The following CNBD1 variants were observed in gnomAD, a reference collection of about 807,000 sequenced individuals.
The protein encoded by CNBD1 is cyclic nucleotide binding domain containing 1.
In CNBD1, 71 loss-of-function variants were observed where a neutral mutation model predicts 54.4. The observed-to-expected ratio is 1.30, with a 90% confidence interval of 1.08 to 1.59. The LOEUF (loss-of-function observed/expected upper bound fraction) is 1.59, where lower values mean the gene tolerates loss of function less well. CNBD1 is among the 40% of genes most tolerant of loss of function. CNBD1 has a pLI of 0.00. For synonymous variants in CNBD1, 182 were observed against 170.7 expected, an observed-to-expected ratio of 1.07 and a Z score of -0.51; for missense variants, 659 against 518.0, an observed-to-expected ratio of 1.27 and a Z score of -2.64.
At chr8:87,048,363 A>G (rs1810244635) in intron 4 of CNBD1, among the ~76,000 whole-genome samples, 1 of 152,206 alleles carries the variant, frequency 6.6e-6, no homozygotes, top group Admixed American at 6.5e-5. Context: ...GCTTAAATCC[A>G]ATTTGGAGGC....
intron 6 of CNBD1, among the ~76,000 whole-genome samples, chr8:87,245,041 A>G (rs1807776271): frequency 1.3e-5 from 2 of 152,150 alleles, no homozygotes; most frequent in South Asian, 2.1e-4. Context: ...TATTTTTACT[A>G]TAATAATGGA....
chr8:87,175,787 G>A (rs7841530), intron 4 of CNBD1, among the ~76,000 whole-genome samples: 2,886 of 152,302 alleles, frequency 0.019, 88 homozygotes, highest in African/African-American at 0.065. Context: ...GCCAAGGTCA[G>A]TAATTGGAAT....
intron 8 of CNBD1, among the ~76,000 whole-genome samples, chr8:87,339,835 C>A (rs1352260169): frequency 6.6e-6 from 1 of 152,080 alleles, no homozygotes; most frequent in Non-Finnish European, 1.5e-5. Context: ...GTTACTGATG[C>A]TGTTTATTTA....
intron 2 of CNBD1, among the ~76,000 whole-genome samples, chr8:87,399,965 C>A (rs930764125): frequency 6.6e-6 from 1 of 151,778 alleles, no homozygotes; most frequent in African/African-American, 2.4e-5. Flanking sequence ...AAAGGCAGGA[C>A]ATAACCAAGA....
At chr8:87,243,074 A>T (rs1485457967) in intron 6 of CNBD1, among the ~76,000 whole-genome samples, 1 of 152,190 alleles carries the variant, frequency 6.6e-6, no homozygotes, top group Non-Finnish European at 1.5e-5. Context: ...CCATTTCCCA[A>T]ATACAAAATA....
At chr8:87,340,501 C>T (rs1810044383) in intron 8 of CNBD1, among the ~76,000 whole-genome samples, 1 of 152,080 alleles carries the variant, frequency 6.6e-6, no homozygotes, top group African/African-American at 2.4e-5. Context: ...CTGTTTCTTT[C>T]TCTCTCTTCT....
At chr8:87,415,041 A>G (rs1807813522) in intron 2 of CNBD1, among the ~76,000 whole-genome samples, 1 of 152,040 alleles carries the variant, frequency 6.6e-6, no homozygotes, top group Non-Finnish European at 1.5e-5. Context: ...GCTCAGTGCC[A>G]TTTCTGCAGA....
At chr8:87,375,918 T>A (rs531741750) in intron 10 of CNBD1, among the ~76,000 whole-genome samples, 17 of 152,046 alleles carry the variant, frequency 1.1e-4, no homozygotes, top group Non-Finnish European at 2.2e-4. Context: ...CAGACTATGT[T>A]GATAAAAGAT....
At chr8:87,312,069 A>G (rs1809277799) in intron 8 of CNBD1, among the ~76,000 whole-genome samples, 1 of 152,026 alleles carries the variant, frequency 6.6e-6, no homozygotes, top group Admixed American at 6.6e-5. Flanking sequence ...TATGTAACAA[A>G]CCTGCATATA....
At chr8:86,967,801 GTT>G (rs796253707) in intron 4 of CNBD1, among the ~76,000 whole-genome samples, 54 of 134,126 alleles carry the variant, frequency 4.0e-4, no homozygotes, top group Non-Finnish European at 5.1e-4. Context: ...TGCTTGTTCA[GTT>G]TTTTTTTTTT....
chr8:87,413,673 A>C (rs1162922370), intron 2 of CNBD1, among the ~76,000 whole-genome samples: 1 of 152,118 alleles, frequency 6.6e-6, no homozygotes, highest in Non-Finnish European at 1.5e-5. Flanking sequence ...ACAAATTTAC[A>C]AGAAAAAAAC....
chr8:87,320,710 T>C (rs1809507166), intron 8 of CNBD1, among the ~76,000 whole-genome samples: 1 of 152,116 alleles, frequency 6.6e-6, no homozygotes, highest in Admixed American at 6.6e-5. Flanking sequence ...TGTTTATTTA[T>C]TTTTTACTGT....
At chr8:87,078,713 T>C (rs1289449863) in intron 4 of CNBD1, among the ~76,000 whole-genome samples, 2 of 152,048 alleles carry the variant, frequency 1.3e-5, no homozygotes, top group South Asian at 2.1e-4. Flanking sequence ...GAAAAGAAAA[T>C]TAGGGAGATT....
intron 1 of CNBD1, among the ~76,000 whole-genome samples, chr8:86,885,668 T>G (rs1289959225): frequency 1.3e-5 from 2 of 152,196 alleles, no homozygotes; most frequent in African/African-American, 2.4e-5. Flanking sequence ...TGAAACTGCT[T>G]TCAAAGGCAA....
intron 4 of CNBD1, among the ~76,000 whole-genome samples, chr8:87,029,941 A>G (rs1490867052): frequency 1.3e-5 from 2 of 152,220 alleles, no homozygotes; most frequent in Non-Finnish European, 2.9e-5. Flanking sequence ...TCAGCATTTT[A>G]TATAGTAATG....
At chr8:86,996,160 T>G (rs907661672) in intron 4 of CNBD1, among the ~76,000 whole-genome samples, 6 of 152,240 alleles carry the variant, frequency 3.9e-5, no homozygotes, top group African/African-American at 1.4e-4. Flanking sequence ...CAGAAAGCAT[T>G]TCTAGATGTT....
intron 4 of CNBD1, among the ~76,000 whole-genome samples, chr8:87,144,248 G>GAAA (rs1459969633): frequency 1.3e-5 from 2 of 152,096 alleles, no homozygotes; most frequent in Non-Finnish European, 2.9e-5. Flanking sequence ...AAATTCAAGA[G>GAAA]AAAACATCTT....
At chr8:86,977,740 G>T (rs1436695982) in intron 4 of CNBD1, among the ~76,000 whole-genome samples, 1 of 152,004 alleles carries the variant, frequency 6.6e-6, no homozygotes, top group Non-Finnish European at 1.5e-5. Flanking sequence ...ATTGAAACAG[G>T]AATAAAAGGT....
At chr8:87,354,003 T>A (rs939893495) in intron 10 of CNBD1, 1 of 350,930 alleles carries the variant, frequency 2.8e-6, no homozygotes, top group African/African-American at 2.2e-5. Flanking sequence ...GGAACTTCAT[T>A]TTCATCATAT....
Sources: gnomAD v4.1 joint callset for allele counts (sites outside exome capture counted in the v4.1 genomes callset) on GRCh38, gnomAD v4.1.1 for gene constraint, MANE v1.5 for transcripts, NCBI Gene and HGNC (gene_info 2026-07-23, HGNC 2026-07-21) for gene names.